Variants in EFNA5 observed in about 807,000 individuals in gnomAD.
The protein encoded by EFNA5 is ephrin A5.
EFNA5 carries 5 observed loss-of-function variants against 22.9 expected under a neutral mutation model. That is an observed-to-expected ratio of 0.22 (90% CI 0.11 to 0.46). EFNA5 has a LOEUF of 0.46. Among genes scored for constraint, EFNA5 ranks in the 20% least tolerant of loss-of-function variants. The pLI is 0.99. For missense variants in EFNA5, 237 were observed against 293.3 expected, an observed-to-expected ratio of 0.81 and a Z score of 1.40; for synonymous variants, 113 against 112.2, an observed-to-expected ratio of 1.01 and a Z score of -0.04.
chr5:107,428,822 C>T (rs1160845708), intron 1 of EFNA5, among the ~76,000 whole-genome samples: 9 of 152,166 alleles, frequency 5.9e-5, no homozygotes, highest in African/African-American at 1.9e-4. Flanking sequence ...TCAGCATATC[C>T]GCTTCTGTGT....
intron 1 of EFNA5, among the ~76,000 whole-genome samples, chr5:107,669,331 G>A (rs1751137185): frequency 6.6e-6 from 1 of 151,978 alleles, no homozygotes; most frequent in South Asian, 2.1e-4. Context: ...AAAAACCTGT[G>A]ACTTTAGATG....
intron 1 of EFNA5, among the ~76,000 whole-genome samples, chr5:107,430,919 G>A (rs550763687): frequency 8.6e-5 from 13 of 151,664 alleles, no homozygotes; most frequent in Non-Finnish European, 1.8e-4. Flanking sequence ...AGGGATACAG[G>A]CATGCGCCAC....
intron 2 of EFNA5, among the ~76,000 whole-genome samples, chr5:107,388,851 T>A (rs1747711545): frequency 6.6e-6 from 1 of 152,234 alleles, no homozygotes. Context: ...ATTTGGTGTG[T>A]CTTCTCTCTC....
chr5:107,562,301 A>G (rs1402273427), intron 1 of EFNA5, among the ~76,000 whole-genome samples: 1 of 151,948 alleles, frequency 6.6e-6, no homozygotes, highest in Non-Finnish European at 1.5e-5. Flanking sequence ...TTAGATTTTC[A>G]TTTATCATTC....
At chr5:107,471,294 C>G (rs995589886) in intron 1 of EFNA5, among the ~76,000 whole-genome samples, 4 of 152,128 alleles carry the variant, frequency 2.6e-5, no homozygotes, top group Non-Finnish European at 4.4e-5. Flanking sequence ...TTGATTCCCC[C>G]TTTTTGCCTC....
In EFNA5 at chr5:107,380,373, T is replaced by TAAAAAAAAAA. The variant is rs1747407184; in HGVS notation, c.*881_*882insTTTTTTTTTT. 9 of 41,586 alleles carry TAAAAAAAAAA rather than the reference T, an allele frequency of 2.2e-4. 4 individuals carry two copies. The highest frequency in any genetic ancestry group is 3.1e-4 in the Non-Finnish European group (7 of 22,308). 2.6% of individuals were successfully genotyped at this position (41,586 alleles called of 1,614,324 possible). On this transcript the variant is annotated 3_prime_UTR_variant, in exon 5 of 5. Coordinates refer to ENST00000333274, the MANE Select transcript of EFNA5 (RefSeq NM_001962.3). The stretch of plus-strand genomic sequence containing the variant: ...TCATAAAAATGCCTCTTTGAGTTTC[T>TAAAAAAAAAA]TAAAAAAAAAAAAAAAAAAAAAAAA...
intron 1 of EFNA5, among the ~76,000 whole-genome samples, chr5:107,539,767 A>T (rs1748007584): frequency 6.6e-6 from 1 of 152,160 alleles, no homozygotes; most frequent in Non-Finnish European, 1.5e-5. Context: ...CCCGGCCAGA[A>T]AACTCTTAAA....
intron 1 of EFNA5, among the ~76,000 whole-genome samples, chr5:107,594,689 C>A (rs1052651248): frequency 6.6e-6 from 1 of 152,166 alleles, no homozygotes; most frequent in African/African-American, 2.4e-5. Context: ...CCTGCTTTCT[C>A]CCAACCATTT....
chr5:107,420,844 T>G (rs558265963), intron 2 of EFNA5, among the ~76,000 whole-genome samples: 1 of 152,232 alleles, frequency 6.6e-6, no homozygotes, highest in Non-Finnish European at 1.5e-5. Context: ...CTTTGAAATA[T>G]ATAGCTTTTC....
chr5:107,617,209 T>C (rs1036830254), intron 1 of EFNA5, among the ~76,000 whole-genome samples: 44 of 141,048 alleles, frequency 3.1e-4, no homozygotes, highest in African/African-American at 8.4e-4. Flanking sequence ...CATGTGCACA[T>C]ACACACACAC....
intron 1 of EFNA5, among the ~76,000 whole-genome samples, chr5:107,536,245 A>G (rs78101101): frequency 0.022 from 3,308 of 152,302 alleles, 77 homozygotes; most frequent in African/African-American, 0.056. Context: ...GAAATCTTCA[A>G]ATAATCTGCT....
intron 1 of EFNA5, among the ~76,000 whole-genome samples, chr5:107,569,363 A>ATG (rs1561435687): frequency 7.6e-6 from 1 of 131,462 alleles, no homozygotes; most frequent in African/African-American, 3.6e-5. Context: ...AAATATATAT[A>ATG]CGTGTATATA....
At chr5:107,499,170 GAAGA>G (rs1391109204) in intron 1 of EFNA5, among the ~76,000 whole-genome samples, 6 of 152,226 alleles carry the variant, frequency 3.9e-5, no homozygotes, top group African/African-American at 7.2e-5. Context: ...CAAAAAAAGA[GAAGA>G]AAGATGAAAT....
intron 1 of EFNA5, among the ~76,000 whole-genome samples, chr5:107,430,283 A>G (rs1748914088): frequency 6.6e-6 from 1 of 152,198 alleles, no homozygotes; most frequent in Non-Finnish European, 1.5e-5. Context: ...CAGCACTCAG[A>G]GTAGCCTGAC....
At chr5:107,406,037 ATATTTGTATACATATTCTATG>A (rs1187334753) in intron 2 of EFNA5, among the ~76,000 whole-genome samples, 2 of 79,298 alleles carry the variant, frequency 2.5e-5, no homozygotes, top group African/African-American at 4.5e-5. Context: ...AAAAATACCT[ATATTTGTATACATATTCTATG>A]TATTTATATA....
chr5:107,533,860 C>T (rs1344947834), intron 1 of EFNA5, among the ~76,000 whole-genome samples: 1 of 152,216 alleles, frequency 6.6e-6, no homozygotes, highest in Non-Finnish European at 1.5e-5. Flanking sequence ...AAACATCTCT[C>T]AGACCTGAAC....
At chr5:107,594,693 A>G (rs1457947331) in intron 1 of EFNA5, among the ~76,000 whole-genome samples, 3 of 152,104 alleles carry the variant, frequency 2.0e-5, no homozygotes, top group African/African-American at 7.2e-5. Flanking sequence ...CTTTCTCCCA[A>G]CCATTTTCTA....
intron 1 of EFNA5, among the ~76,000 whole-genome samples, chr5:107,570,330 C>A (rs1020674884): frequency 1.3e-5 from 2 of 152,200 alleles, no homozygotes; most frequent in African/African-American, 4.8e-5. Flanking sequence ...ATGATTCCCA[C>A]GTTCTGCTGC....
At chr5:107,525,316 T>C (rs914262927) in intron 1 of EFNA5, among the ~76,000 whole-genome samples, 68 of 152,162 alleles carry the variant, frequency 4.5e-4, no homozygotes, top group Non-Finnish European at 9.4e-4. Context: ...ATAAAATGTA[T>C]ATGGCATATA....
Sources: allele counts gnomAD v4.1 joint callset (sites outside exome capture counted in the v4.1 genomes callset), GRCh38; gene constraint gnomAD v4.1.1; transcripts MANE v1.5; gene names NCBI Gene and HGNC (gene_info 2026-07-23, HGNC 2026-07-21).